Variants in PHACTR2 observed in about 807,000 individuals in gnomAD.
PHACTR2 encodes the protein chromosome 6 open reading frame 56.
A neutral mutation model predicts 76.0 loss-of-function variants in PHACTR2; 30 were observed. The ratio of observed to expected loss-of-function variants is 0.39; its 90% CI spans 0.30 to 0.54. The LOEUF (loss-of-function observed/expected upper bound fraction) is 0.54. Among genes scored for constraint, PHACTR2 ranks in the 20% least tolerant of loss-of-function variants. PHACTR2 has a pLI of 0.61. For synonymous variants in PHACTR2, 292 were observed against 292.5 expected (o/e 1.00, Z 0.02); for missense variants, 696 against 781.1 (o/e 0.89, Z 1.30).
At chr6:143,590,271 T>A (rs1199324305) in intron 1 of PHACTR2, among the ~76,000 whole-genome samples, 1 of 152,122 alleles carries the variant, frequency 6.6e-6, no homozygotes, top group Non-Finnish European at 1.5e-5. Context: ...TGCAGATGAC[T>A]TTTAGGAACT....
upstream of PHACTR2, among the ~76,000 whole-genome samples, chr6:143,675,319 A>G (rs1777221397): frequency 6.6e-6 from 1 of 152,232 alleles, no homozygotes; most frequent in Non-Finnish European, 1.5e-5. The surrounding 1 kb of genome is among the most constrained non-coding windows in gnomAD (Gnocchi z 4.9). Flanking sequence ...GCTATTCCTC[A>G]AACTCAGCCA....
chr6:143,805,421 G>A (rs1776042637), intron 11 of PHACTR2, among the ~76,000 whole-genome samples: 2 of 146,466 alleles, frequency 1.4e-5, no homozygotes, highest in South Asian at 4.3e-4. Context: ...GGAGGTTGCA[G>A]TGAGCCAAGA....
intron 1 of PHACTR2, among the ~76,000 whole-genome samples, chr6:143,668,770 T>C (rs1204478466): frequency 6.6e-6 from 1 of 152,220 alleles, no homozygotes; most frequent in Non-Finnish European, 1.5e-5. Context: ...CTCTCTTCTC[T>C]TCTTTATTAG....
rs776969170 is a variant in PHACTR2 at position 143,736,554 on chromosome 6, A to AT, written c.215-12393dup. Among the ~76,000 whole-genome samples the AT allele has an allele frequency of 2.5e-3, 140 of 56,990 alleles. 20 individuals carry two copies. Among genetic ancestry groups the AT allele is most frequent in the African/African-American group, 3.4e-3 (52 of 15,358 alleles). The allele number at this position is 56,990 out of a possible 152,430, so 37.4% of individuals were successfully genotyped here. Reference sequence around the variant, plus strand: ...TGTAATTTATGCCAAACCCTTTACAATTTTTTTTTTTTTTTTTTTTTTTTT... The same window carrying AT: ...TGTAATTTATGCCAAACCCTTTACAATTTTTTTTTTTTTTTTTTTTTTTTTT... On this transcript the variant is annotated intron_variant, in intron 2 of 12. Coordinates refer to ENST00000440869, the MANE Select transcript of PHACTR2 (RefSeq NM_001100164.2).
At chr6:143,551,457 C>T (rs1404676496) in intron 1 of PHACTR2, among the ~76,000 whole-genome samples, 2 of 152,156 alleles carry the variant, frequency 1.3e-5, no homozygotes, top group African/African-American at 2.4e-5. Flanking sequence ...AAAAGTTTTA[C>T]AATTGTGAAG....
chr6:143,635,179 C>T (rs1776428798), intron 1 of PHACTR2, among the ~76,000 whole-genome samples: 1 of 152,094 alleles, frequency 6.6e-6, no homozygotes, highest in African/African-American at 2.4e-5. Flanking sequence ...CATATTGTTA[C>T]ATCACAATAA....
intron 3 of PHACTR2, among the ~76,000 whole-genome samples, chr6:143,752,710 A>G (rs1436876711): frequency 1.3e-5 from 2 of 152,166 alleles, no homozygotes; most frequent in Admixed American, 6.5e-5. Flanking sequence ...ATCCTATTTA[A>G]TGACAATTTG....
rs9321919 is a variant in PHACTR2, at chr6:143,562,358, C to G, written c.217+25151C>G. ...GGCTGGAAAGCAAAGGGGAAGCAGG[C>G]CCGTCACATGGCCAGAGCAGGAGCA... On this transcript the variant is annotated intron_variant, in intron 1 of 11. Transcript: ENST00000367584. This position sits in a 1 kb window ranked among gnomAD's most constrained non-coding sequence, Gnocchi z 5.1. Among the ~76,000 whole-genome samples the G allele has an allele frequency of 0.43, 64,611 of 151,840 alleles. 14,319 individuals are homozygous for G. Among genetic ancestry groups the G allele is most frequent in the Middle Eastern group, 0.55 (163 of 294 alleles).
rs748884592 is a variant in PHACTR2, at chr6:143,774,213, C to G, written c.1587C>G (p.Val529=). ...GACAACAAATTGGAACCAAGTTAGT[C>G]AGGTAATTGCTAACATTTTAGGACA... ...EIRQQIGTKL[V]RRLSQRPTTE... The change falls in exon 8 of 13, where the codon GTC becomes GTG. Residue 529 remains valine (V), a splice_region_variant and synonymous_variant. Coordinates refer to ENST00000440869, the MANE Select transcript of PHACTR2 (RefSeq NM_001100164.2). This position sits in a 1 kb window ranked among gnomAD's most constrained non-coding sequence, Gnocchi z 5.4. The G allele has an allele frequency of 1.2e-6, 2 of 1,613,058 alleles. No homozygotes were observed. Among genetic ancestry groups the G allele is most frequent in the East Asian group, 4.5e-5 (2 of 44,876 alleles).
chr6:143,593,196 T>G (rs1023775881), intron 1 of PHACTR2, among the ~76,000 whole-genome samples: 9 of 152,136 alleles, frequency 5.9e-5, no homozygotes, highest in Non-Finnish European at 2.9e-5. Context: ...ATGCTGGGAA[T>G]TCAAAGCAAA....
chr6:143,547,597 G>A lies in PHACTR2; in HGVS notation c.217+10390G>A, dbSNP rs1466198367. ...TTGTAGAAGGGACCCAATCAGATAT[G>A]AATGAGAGGATTACTAAGTAATAGC... On this transcript the variant is annotated intron_variant, in intron 1 of 11. Coordinates refer to the PHACTR2 transcript ENST00000367584. This position sits in a 1 kb window ranked among gnomAD's most constrained non-coding sequence, Gnocchi z 4.2. Among the ~76,000 whole-genome samples the A allele has an allele frequency of 6.6e-6, 1 of 152,214 alleles. No individual in the cohort carries two copies. The highest frequency in any genetic ancestry group is 1.5e-5 in the Non-Finnish European group (1 of 68,030).
intron 2 of PHACTR2, among the ~76,000 whole-genome samples, chr6:143,713,829 A>G (rs1266255340): frequency 6.6e-6 from 1 of 152,138 alleles, no homozygotes; most frequent in Non-Finnish European, 1.5e-5. Flanking sequence ...TCCCTCTCAC[A>G]TGTGCTTAAG....
chr6:143,736,772 T>TA (rs1778831800), intron 2 of PHACTR2, among the ~76,000 whole-genome samples: 2 of 151,536 alleles, frequency 1.3e-5, no homozygotes, highest in Non-Finnish European at 2.9e-5. Context: ...GACGGGGTTT[T>TA]ACTGTGTTAG....
rs1562250694 is a variant in PHACTR2 at position 143,621,916 on chromosome 6, C to T, written c.13+13594C>T. On this transcript the variant is annotated intron_variant, in intron 1 of 11. Coordinates refer to the PHACTR2 transcript ENST00000305766. This position sits in a 1 kb window ranked among gnomAD's most constrained non-coding sequence, Gnocchi z 4.1. Reference sequence around the variant, plus strand: ...TCACCTCTCACATTTTGCTGTTGTGCACTTGCTTCTGGCAGCTCCCATCTC... The same window carrying T: ...TCACCTCTCACATTTTGCTGTTGTGTACTTGCTTCTGGCAGCTCCCATCTC... Among the ~76,000 whole-genome samples, 1 of 152,306 alleles carries T rather than the reference C, an allele frequency of 6.6e-6. No individual in the cohort carries two copies. Among genetic ancestry groups the T allele is most frequent in the East Asian group, 1.9e-4 (1 of 5,184 alleles).
chr6:143,609,080 T>G (rs1037203498), intron 1 of PHACTR2, among the ~76,000 whole-genome samples: 3 of 152,218 alleles, frequency 2.0e-5, no homozygotes, highest in Non-Finnish European at 4.4e-5. Flanking sequence ...ATGGATTATC[T>G]GTCTCCTGAA....
upstream of PHACTR2, among the ~76,000 whole-genome samples, chr6:143,606,327 G>T (rs73778607): frequency 6.6e-6 from 1 of 152,066 alleles, no homozygotes. Context: ...TATATAAATC[G>T]CATTGTGAGT....
In PHACTR2 at chr6:143,580,350, TGGC is replaced by T. The variant is rs926605878; in HGVS notation, c.217+43146_217+43148del. On this transcript the variant is annotated intron_variant, in intron 1 of 11. Transcript: ENST00000367584. The surrounding 1 kb of genome is among the most constrained non-coding windows in gnomAD (Gnocchi z 4.2). ...AATACAAAAAATTAGCCCGGCTTGG[TGGC>T]GGGCGCCTGTAGTCCCAGCTACTCT... Among the ~76,000 whole-genome samples, 2 of 152,142 alleles carry T rather than the reference TGGC, an allele frequency of 1.3e-5. No homozygotes were observed. The highest frequency in any genetic ancestry group is 2.4e-5 in the African/African-American group (1 of 41,426).
chr6:143,737,918 C>T (rs556387212), intron 2 of PHACTR2, among the ~76,000 whole-genome samples: 1 of 152,194 alleles, frequency 6.6e-6, no homozygotes, highest in South Asian at 2.1e-4. Flanking sequence ...GAAGAATGCT[C>T]CAGAAAATAA....
rs182290082 is a variant in PHACTR2 at position 143,586,824 on chromosome 6, C to A, written c.217+49617C>A. On this transcript the variant is annotated intron_variant, in intron 1 of 11. Transcript: ENST00000367584. ...CTAATTGAAAACTGCTTCTGCCCTG[C>A]CCTATTTTAACTAGTCCTCAATCTG... Among the ~76,000 whole-genome samples, 34 of 152,280 alleles carry A rather than the reference C, an allele frequency of 2.2e-4. No individual in the cohort carries two copies. The East Asian group carries it at 3.9e-3, about 17-fold the overall frequency.
Sources: allele counts gnomAD v4.1 joint callset (sites outside exome capture counted in the v4.1 genomes callset), GRCh38; gene constraint gnomAD v4.1.1; non-coding constraint Gnocchi (gnomAD v3.1); transcripts MANE v1.5; gene names NCBI Gene and HGNC (gene_info 2026-07-23, HGNC 2026-07-21).